KIAA0825: variants seen among roughly 807,000 people sequenced by gnomAD.
KIAA0825 encodes the protein KIAA0825.
KIAA0825 carries 119 observed loss-of-function variants against 147.6 expected under a neutral mutation model. The observed-to-expected ratio is 0.81, with a 90% CI of 0.69 to 0.94. KIAA0825 has a LOEUF of 0.94. KIAA0825 is among the 40% of genes least tolerant of loss of function. KIAA0825 has a pLI of 0.00. For synonymous variants in KIAA0825, 470 were observed against 518.1 expected (o/e 0.91, Z 1.26); for missense variants, 1,381 against 1,472.7 (o/e 0.94, Z 1.02).
chr5:94,297,471 T>G (rs958196298), intron 20 of KIAA0825, among the ~76,000 whole-genome samples: 1 of 152,220 alleles, frequency 6.6e-6, no homozygotes, highest in African/African-American at 2.4e-5. Context: ...TGTTTTTTCC[T>G]TTTCCTATGC....
In KIAA0825 at chr5:94,608,479, ATATATATATATAAT is replaced by A. The variant is rs1561389972; in HGVS notation, c.-153+10007_-153+10020del. Among the ~76,000 whole-genome samples the A allele has an allele frequency of 3.8e-4, 15 of 39,918 alleles. 3 individuals carry two copies. The highest frequency in any genetic ancestry group is 1.5e-3 in the African/African-American group (15 of 9,742). 26.2% of individuals were successfully genotyped at this position (39,918 alleles called of 152,430 possible). ...TATATATATATTATATATATAATATATATATATATATAATTATATATATATATATTTTTTTTTAG... is the reference window on the plus strand; with the variant it reads ...TATATATATATTATATATATAATATATATATATATATATATTTTTTTTTAG... On this transcript the variant is annotated intron_variant, in intron 1 of 20. Coordinates refer to ENST00000682413, the MANE Select transcript of KIAA0825 (RefSeq NM_001145678.3).
At chr5:94,299,675 C>T (rs559711563) in intron 20 of KIAA0825, among the ~76,000 whole-genome samples, 92 of 152,218 alleles carry the variant, frequency 6.0e-4, no homozygotes, top group Non-Finnish European at 1.0e-3. Flanking sequence ...AAGTTTAATA[C>T]TGAAGGCAGA....
At chr5:94,317,319 C>G (rs1401625864) in intron 20 of KIAA0825, among the ~76,000 whole-genome samples, 1 of 151,868 alleles carries the variant, frequency 6.6e-6, no homozygotes, top group African/African-American at 2.4e-5. Context: ...AAAGAAAGCC[C>G]TGCCTTTCAG....
At chr5:94,545,651 T>A (rs1180652195) in intron 2 of KIAA0825, among the ~76,000 whole-genome samples, 3 of 152,190 alleles carry the variant, frequency 2.0e-5, no homozygotes, top group Non-Finnish European at 4.4e-5. Flanking sequence ...GACCCAGTCC[T>A]GGCAGGATTC....
chr5:94,163,159 A>G (rs763502408), intron 20 of KIAA0825, among the ~76,000 whole-genome samples: 4 of 152,234 alleles, frequency 2.6e-5, no homozygotes, highest in Non-Finnish European at 4.4e-5. Flanking sequence ...ATAGTGGTAT[A>G]AAGAAAAAAG....
chr5:94,226,458 G>A lies in KIAA0825; in HGVS notation c.3711-72334C>T, dbSNP rs979290971. On this transcript the variant is annotated intron_variant, in intron 20 of 20. Transcript: ENST00000682413. Reference sequence around the variant, plus strand: ...CAACCATTGTGGAAGACAGTGTGGTGATTCCTCAAGGATCTGAAACTAGAA... The same window carrying A: ...CAACCATTGTGGAAGACAGTGTGGTAATTCCTCAAGGATCTGAAACTAGAA... Among the ~76,000 whole-genome samples the A allele has an allele frequency of 1.2e-4, 19 of 152,070 alleles. 1 individual carries two copies. The highest frequency in any genetic ancestry group is 1.2e-3 in the Admixed American group (19 of 15,274).
At chr5:94,318,710 C>A (rs1216450949) in intron 20 of KIAA0825, among the ~76,000 whole-genome samples, 1 of 151,826 alleles carries the variant, frequency 6.6e-6, no homozygotes, top group Non-Finnish European at 1.5e-5. Context: ...ACTAAATTTG[C>A]TATTTTCTGC....
intron 20 of KIAA0825, among the ~76,000 whole-genome samples, chr5:94,240,286 A>T (rs1162351076): frequency 6.6e-6 from 1 of 152,226 alleles, no homozygotes; most frequent in African/African-American, 2.4e-5. Flanking sequence ...TGATAGTATG[A>T]AAGAAGTATT....
intron 7 of KIAA0825, among the ~76,000 whole-genome samples, chr5:94,476,551 G>A (rs1761916955): frequency 6.6e-6 from 1 of 152,116 alleles, no homozygotes; most frequent in African/African-American, 2.4e-5. Flanking sequence ...GACAGAGAGA[G>A]GAGAAGAAAG....
chr5:94,161,688 C>T (rs754052483), intron 20 of KIAA0825, among the ~76,000 whole-genome samples: 3 of 151,988 alleles, frequency 2.0e-5, no homozygotes, highest in Non-Finnish European at 2.9e-5. Flanking sequence ...AAGAAGACTT[C>T]GTTATCTGTA....
chr5:94,592,403 T>A (rs948426971), intron 1 of KIAA0825, among the ~76,000 whole-genome samples: 5 of 152,120 alleles, frequency 3.3e-5, no homozygotes, highest in African/African-American at 1.2e-4. Context: ...CTGCAGTGCA[T>A]GCTGCTCTCG....
At position 94,471,643 on chromosome 5, in the gene KIAA0825, T is replaced by G; in HGVS notation, c.1544A>C (p.Asn515Thr). 6.4e-7 allele frequency: 1 copy of G among 1,552,102 alleles called. No homozygotes were observed. The highest frequency in any genetic ancestry group is 8.7e-7 in the Non-Finnish European group (1 of 1,147,078). Residue 515 changes from asparagine (N) to threonine (T), a missense_variant, in exon 9 of 21, where the codon AAC becomes ACC. Transcript: ENST00000682413. ...RDDSFQEIRA[N>T]LVEACCKVAT... ...CACTTTACAACAGGCCTCCACCAAG[T>G]TTGCTCTAATTTCCTGAAAAGAATC...
rs868460469 is a variant in KIAA0825 at position 94,487,034 on chromosome 5, C to T, written c.971-2104G>A. Among the ~76,000 whole-genome samples, 6 of 152,152 alleles carry T rather than the reference C, an allele frequency of 3.9e-5. No homozygotes were observed. In the South Asian group the frequency reaches 8.3e-4, roughly 21 times the overall value. The stretch of plus-strand genomic sequence containing the variant: ...GTTTATAAAGTAAGCAAAGAAACAC[C>T]GCATGAAGAATCTTTAAGAGTCAAA... On this transcript the variant is annotated intron_variant, in intron 5 of 20. Transcript: ENST00000682413.
At chr5:94,547,745 A>G (rs563509633) in intron 2 of KIAA0825, among the ~76,000 whole-genome samples, 1 of 151,884 alleles carries the variant, frequency 6.6e-6, no homozygotes, top group South Asian at 2.1e-4. Flanking sequence ...TCAAAAAAAA[A>G]AAGAATCGTA....
chr5:94,190,049 A>G (rs913374472), intron 20 of KIAA0825, among the ~76,000 whole-genome samples: 1 of 152,036 alleles, frequency 6.6e-6, no homozygotes, highest in African/African-American at 2.4e-5. Flanking sequence ...ATGCTATTTG[A>G]AATTGAAGTT....
At chr5:94,288,879 C>T (rs1023150484) in intron 20 of KIAA0825, among the ~76,000 whole-genome samples, 4 of 152,126 alleles carry the variant, frequency 2.6e-5, no homozygotes, top group African/African-American at 9.7e-5. Context: ...ACAATTCTAT[C>T]AGCCACTTAA....
At chr5:94,361,743 C>A (rs29962) in intron 20 of KIAA0825, among the ~76,000 whole-genome samples, 31,422 of 152,060 alleles carry the variant, frequency 0.21, 3,782 homozygotes, top group Middle Eastern at 0.27. Context: ...GGAAAATGAA[C>A]AATTAATTGT....
At chr5:94,248,491 T>A (rs543963850) in intron 20 of KIAA0825, among the ~76,000 whole-genome samples, 1 of 152,242 alleles carries the variant, frequency 6.6e-6, no homozygotes, top group African/African-American at 2.4e-5. Context: ...AATAATAGCC[T>A]GTAGACCAAA....
chr5:94,327,464 T>G (rs1288751981), intron 20 of KIAA0825, among the ~76,000 whole-genome samples: 1 of 152,154 alleles, frequency 6.6e-6, no homozygotes, highest in Non-Finnish European at 1.5e-5. Context: ...ACAGGTATAT[T>G]TGTTATCCAC....
Sources: gnomAD v4.1 joint callset for allele counts (sites outside exome capture counted in the v4.1 genomes callset) on GRCh38, gnomAD v4.1.1 for gene constraint, MANE v1.5 for transcripts, NCBI Gene and HGNC (gene_info 2026-07-23, HGNC 2026-07-21) for gene names.